Variants in HPCAL1 observed in about 807,000 individuals in gnomAD.
HPCAL1 encodes hippocalcin like 1, also known as hippocalcin-like protein 1.
In HPCAL1, 8 loss-of-function variants were observed where a neutral mutation model predicts 17.1. That is an observed-to-expected ratio of 0.47 (90% CI 0.27 to 0.84). The LOEUF (loss-of-function observed/expected upper bound fraction) is 0.84. Among genes scored for constraint, HPCAL1 ranks in the 40% least tolerant of loss-of-function variants. HPCAL1 has a pLI of 0.13. For missense variants in HPCAL1, 165 were observed against 271.1 expected (o/e 0.61, Z 2.75); for synonymous variants, 112 against 111.4 (o/e 1.01, Z -0.03).
rs1022042972 is a variant in HPCAL1 at position 10,384,487 on chromosome 2, G to A, written c.-110-12348G>A. 2.0e-5 allele frequency among the ~76,000 whole-genome samples: 3 copies of A among 152,166 alleles called. No homozygotes were observed. Among genetic ancestry groups the A allele is most frequent in the Non-Finnish European group, 2.9e-5 (2 of 68,028 alleles). ...AAACTGCCATGCTTGCTTGGTGCACGGTGCTGTGCTGGGCACTGGGGCAAG... is the reference window on the plus strand; with the variant it reads ...AAACTGCCATGCTTGCTTGGTGCACAGTGCTGTGCTGGGCACTGGGGCAAG... On this transcript the variant is annotated intron_variant, in intron 1 of 4. Coordinates refer to ENST00000307845, the MANE Select transcript of HPCAL1 (RefSeq NM_002149.4). This position sits in a 1 kb window ranked among gnomAD's most constrained non-coding sequence, Gnocchi z 4.4.
Position 10,367,583 on chromosome 2 carries a change from C to T in HPCAL1, c.-110-29252C>T, listed in dbSNP as rs1030718689. 1.4e-4 allele frequency among the ~76,000 whole-genome samples: 22 copies of T among 152,160 alleles called. No individual in the cohort carries two copies. The highest frequency in any genetic ancestry group is 5.3e-4 in the African/African-American group (22 of 41,438). On this transcript the variant is annotated intron_variant, in intron 1 of 4. Transcript: ENST00000307845. This position sits in a 1 kb window ranked among gnomAD's most constrained non-coding sequence, Gnocchi z 4.4. ...AATATGTAAAGCAAAATCATAATAGCAACAACAATCACTGTCATCCCACGG... is the reference window on the plus strand; with the variant it reads ...AATATGTAAAGCAAAATCATAATAGTAACAACAATCACTGTCATCCCACGG...
At chr2:10,306,742 C>T (rs551987350) in intron 1 of HPCAL1, among the ~76,000 whole-genome samples, 7 of 152,230 alleles carry the variant, frequency 4.6e-5, no homozygotes, top group Admixed American at 2.0e-4. Context: ...ATGAGCAGGG[C>T]GCAAGTCTCA....
chr2:10,382,637 C>T lies in HPCAL1; in HGVS notation c.-110-14198C>T, dbSNP rs527386932. Reference sequence around the variant, plus strand: ...AAGGGAAATGACCACATGCAAAGCACTGCGTGGAGGGCCACGCATCCCAAG... The same window carrying T: ...AAGGGAAATGACCACATGCAAAGCATTGCGTGGAGGGCCACGCATCCCAAG... On this transcript the variant is annotated intron_variant, in intron 1 of 4. Transcript: ENST00000307845. Among the ~76,000 whole-genome samples the T allele has an allele frequency of 2.1e-4, 31 of 149,390 alleles. No homozygotes were observed. In the South Asian group the frequency reaches 6.7e-3, roughly 32 times the overall value.
chr2:10,384,025 A>ACACACC lies in HPCAL1; in HGVS notation c.-110-12807_-110-12806insACCCAC, dbSNP rs1271475800. The stretch of plus-strand genomic sequence containing the variant: ...ATGCATATACATCGCGTACACACAC[A>ACACACC]CACCCACACACACACACACCTTTTG... On this transcript the variant is annotated intron_variant, in intron 1 of 4. Transcript: ENST00000307845. The surrounding 1 kb of genome is among the most constrained non-coding windows in gnomAD (Gnocchi z 4.4). 1.2e-5 allele frequency among the ~76,000 whole-genome samples: 1 copy of ACACACC among 83,262 alleles called. No individual in the cohort carries two copies. Among genetic ancestry groups the ACACACC allele is most frequent in the African/African-American group, 6.3e-5 (1 of 15,800 alleles). The allele number at this position is 83,262 out of a possible 152,430, so 54.6% of individuals were successfully genotyped here.
At chr2:10,376,506 G>A (rs1425169604) in intron 1 of HPCAL1, among the ~76,000 whole-genome samples, 1 of 151,802 alleles carries the variant, frequency 6.6e-6, no homozygotes, top group Admixed American at 6.6e-5. Flanking sequence ...CACAATCTCG[G>A]CTCACTGCAA....
rs184633224 is a variant in HPCAL1, at chr2:10,317,667, C to A, written c.-111+14490C>A. Among the ~76,000 whole-genome samples, 7 of 152,364 alleles carry A rather than the reference C, an allele frequency of 4.6e-5. No homozygotes were observed. The East Asian group carries it at 7.7e-4, about 17-fold the overall frequency. On this transcript the variant is annotated intron_variant, in intron 1 of 4. Coordinates refer to ENST00000307845, the MANE Select transcript of HPCAL1 (RefSeq NM_002149.4). ...TCCTGACCTCAGGTGATCCACCCAC[C>A]TTGGCTTCCCAAAGTGCTGGGATTA...
At chr2:10,388,048 C>T (rs1300607205) in intron 1 of HPCAL1, among the ~76,000 whole-genome samples, 1 of 152,122 alleles carries the variant, frequency 6.6e-6, no homozygotes, top group East Asian at 1.9e-4. Flanking sequence ...CCCTCAGCCC[C>T]CAGAGGACAA....
intron 1 of HPCAL1, among the ~76,000 whole-genome samples, chr2:10,349,258 A>G (rs1572694253): frequency 6.6e-6 from 1 of 152,146 alleles, no homozygotes; most frequent in African/African-American, 2.4e-5. Flanking sequence ...CAAACATACT[A>G]AGAGGTAAGA....
intron 1 of HPCAL1, among the ~76,000 whole-genome samples, chr2:10,381,270 C>T (rs545903673): frequency 1.2e-4 from 18 of 152,230 alleles, no homozygotes; most frequent in African/African-American, 3.6e-4. Context: ...AAGGATGTTA[C>T]GTTGTGCTTT....
intron 1 of HPCAL1, among the ~76,000 whole-genome samples, chr2:10,358,529 C>T (rs577561249): frequency 3.9e-5 from 6 of 152,332 alleles, no homozygotes; most frequent in South Asian, 4.1e-4. Context: ...CTATAAAAAC[C>T]GCGAGAGCCT....
intron 1 of HPCAL1, among the ~76,000 whole-genome samples, chr2:10,392,948 C>T (rs1162073574): frequency 1.3e-5 from 2 of 152,236 alleles, no homozygotes; most frequent in African/African-American, 2.4e-5. Context: ...GGGCTTTCAT[C>T]TTCTAACCTC....
At chr2:10,420,887 T>A (rs1671023218) in intron 3 of HPCAL1, among the ~76,000 whole-genome samples, 1 of 152,268 alleles carries the variant, frequency 6.6e-6, no homozygotes, top group South Asian at 2.1e-4. Flanking sequence ...CAGCCTCCCA[T>A]GTAGCTGGGA....
chr2:10,356,386 G>A (rs1195905063), intron 1 of HPCAL1, among the ~76,000 whole-genome samples: 1 of 152,084 alleles, frequency 6.6e-6, no homozygotes, highest in Non-Finnish European at 1.5e-5. Context: ...TTTTGAACTG[G>A]GACTTGAAGG....
Position 10,310,866 on chromosome 2 carries a change from G to GA in HPCAL1, c.-111+7689_-111+7690insA, listed in dbSNP as rs1662912990. ...GCTCAGCTCTCTGCCTTCTTTCTGT[G>GA]CATTTAACAGACGTTTCCAGAAAGC... On this transcript the variant is annotated intron_variant, in intron 1 of 4. Coordinates refer to ENST00000307845, the MANE Select transcript of HPCAL1 (RefSeq NM_002149.4). This position sits in a 1 kb window ranked among gnomAD's most constrained non-coding sequence, Gnocchi z 4.5. Among the ~76,000 whole-genome samples the GA allele has an allele frequency of 6.6e-6, 1 of 152,126 alleles. No homozygotes were observed. Among genetic ancestry groups the GA allele is most frequent in the Admixed American group, 6.5e-5 (1 of 15,276 alleles).
intron 4 of HPCAL1, chr2:10,426,112 G>C (rs1421945433): frequency 6.6e-6 from 1 of 152,542 alleles, no homozygotes; most frequent in Non-Finnish European, 1.5e-5. Flanking sequence ...TCAGCCCAGT[G>C]TGGAGTCACC....
chr2:10,405,883 G>A (rs1405128502), intron 2 of HPCAL1, among the ~76,000 whole-genome samples: 3 of 152,382 alleles, frequency 2.0e-5, no homozygotes, highest in African/African-American at 2.4e-5. Context: ...CCAAAGAGCA[G>A]TCAGCTTGCA....
intron 1 of HPCAL1, among the ~76,000 whole-genome samples, chr2:10,320,383 A>T (rs1024121556): frequency 6.6e-6 from 1 of 152,016 alleles, no homozygotes; most frequent in Non-Finnish European, 1.5e-5. Flanking sequence ...CATGATAGTG[A>T]GTGAGTTCTC....
Position 10,359,888 on chromosome 2 carries a change from TTCCACAGTGCCCGCCGGG to T in HPCAL1, c.-110-36939_-110-36922del, listed in dbSNP as rs1219850157. Among the ~76,000 whole-genome samples, 16 of 151,488 alleles carry T rather than the reference TTCCACAGTGCCCGCCGGG, an allele frequency of 1.1e-4. No individual in the cohort carries two copies. Among genetic ancestry groups the T allele is most frequent in the Middle Eastern group, 3.4e-3 (1 of 294 alleles). On this transcript the variant is annotated intron_variant, in intron 1 of 4. Coordinates refer to ENST00000307845, the MANE Select transcript of HPCAL1 (RefSeq NM_002149.4). This position sits in a 1 kb window ranked among gnomAD's most constrained non-coding sequence, Gnocchi z 4.1. ...CACTCTGAACCTGCCTCCTGCCTCC[TTCCACAGTGCCCGCCGGG>T]TCCACAGCGCCCGCCGGGTCCACAG...
At chr2:10,319,194 T>G (rs1663512381) in intron 1 of HPCAL1, among the ~76,000 whole-genome samples, 1 of 152,206 alleles carries the variant, frequency 6.6e-6, no homozygotes, top group Non-Finnish European at 1.5e-5. Context: ...GCTTCCCTTG[T>G]GGAAATTTGA....
Sources: allele counts gnomAD v4.1 joint callset (sites outside exome capture counted in the v4.1 genomes callset), GRCh38; gene constraint gnomAD v4.1.1; non-coding constraint Gnocchi (gnomAD v3.1); transcripts MANE v1.5; gene names NCBI Gene and HGNC (gene_info 2026-07-23, HGNC 2026-07-21).